TOR1AIP2: variants seen among roughly 807,000 people sequenced by gnomAD.
TOR1AIP2 encodes the protein torsin 1A interacting protein 2.
A neutral mutation model predicts 32.6 loss-of-function variants in TOR1AIP2; 20 were observed. That is an observed-to-expected ratio of 0.61 (90% CI 0.43 to 0.89). The LOEUF (loss-of-function observed/expected upper bound fraction) is 0.89. TOR1AIP2 is among the 40% of genes least tolerant of loss of function. The probability of loss-of-function intolerance (pLI) is 0.00; values close to 1 mark genes in which losing one functional copy is unlikely to be tolerated. For synonymous variants in TOR1AIP2, 214 were observed against 210.8 expected, an observed-to-expected ratio of 1.02 and a Z score of -0.13; for missense variants, 456 against 553.8, an observed-to-expected ratio of 0.82 and a Z score of 1.77.
At chr1:179,864,280 T>TCTA in intron 3 of TOR1AIP2, 1 of 985,138 alleles carries the variant, frequency 1.0e-6, no homozygotes, top group Non-Finnish European at 1.2e-6. Context: ...TATCTATCTA[T>TCTA]TTATATATAT....
rs1217509674 is a variant in TOR1AIP2, at chr1:179,852,700, CT to C, written c.-36del. ...CTATCTCTTCAGAGTTGGGAGGATACTTTTTTTAGTACTTGGTTTTCCTTGT... is the reference window on the plus strand; with the variant it reads ...CTATCTCTTCAGAGTTGGGAGGATACTTTTTTAGTACTTGGTTTTCCTTGT... On this transcript the variant is annotated 5_prime_UTR_variant, in exon 4 of 7. Coordinates refer to ENST00000609928, the MANE Select transcript of TOR1AIP2 (RefSeq NM_001199260.2). The C allele has an allele frequency of 1.2e-6, 2 of 1,613,590 alleles. No individual in the cohort carries two copies. The highest frequency in any genetic ancestry group is 1.1e-5 in the South Asian group (1 of 91,066).
intron 4 of TOR1AIP2, 49 bp downstream of exon 4, chr1:179,852,583 C>T (rs1286656506): frequency 5.0e-6 from 8 of 1,601,476 alleles, no homozygotes; most frequent in South Asian, 1.1e-5. Context: ...CTCTGCACAC[C>T]CCTGGTTTCC....
intron 3 of TOR1AIP2, among the ~76,000 whole-genome samples, chr1:179,856,964 T>C (rs1288948406): frequency 6.6e-6 from 1 of 152,190 alleles, no homozygotes; most frequent in Non-Finnish European, 1.5e-5. Context: ...GGGTATGTGT[T>C]CATTAGGAAC....
intron 3 of TOR1AIP2, chr1:179,861,101 G>A (rs1017425719): frequency 1.0e-6 from 1 of 985,374 alleles, no homozygotes; most frequent in Non-Finnish European, 1.2e-6. Context: ...ATAACAGGGA[G>A]TAGTTATAAT....
At position 179,852,685 on chromosome 1, in the gene TOR1AIP2, A is replaced by G. The variant is rs1696164098; in HGVS notation, c.-20T>C. ...GGCCATGTTTGTGTTCTATCTCTTCAGAGTTGGGAGGATACTTTTTTTAGT... is the reference window on the plus strand; with the variant it reads ...GGCCATGTTTGTGTTCTATCTCTTCGGAGTTGGGAGGATACTTTTTTTAGT... On this transcript the variant is annotated 5_prime_UTR_variant, in exon 4 of 7. Transcript: ENST00000609928. The G allele has an allele frequency of 6.2e-7, 1 of 1,613,930 alleles. No homozygotes were observed. Among genetic ancestry groups the G allele is most frequent in the Non-Finnish European group, 8.5e-7 (1 of 1,179,910 alleles).
At chr1:179,876,331 T>C (rs1157042855) in intron 2 of TOR1AIP2, among the ~76,000 whole-genome samples, 1 of 152,222 alleles carries the variant, frequency 6.6e-6, no homozygotes, top group Non-Finnish European at 1.5e-5. Flanking sequence ...TTAATTTATT[T>C]ATAAATTATT....
At chr1:179,870,260 G>A (rs529964572) in intron 2 of TOR1AIP2, among the ~76,000 whole-genome samples, 8 of 152,244 alleles carry the variant, frequency 5.3e-5, no homozygotes, top group African/African-American at 1.7e-4. Context: ...TTAGCCAGCC[G>A]TGGTGGCGGG....
At position 179,875,582 on chromosome 1, in the gene TOR1AIP2, A is replaced by G. The variant is rs1647249029; in HGVS notation, c.-566+1657T>C. 3.3e-5 allele frequency: 5 copies of G among 152,340 alleles called. No homozygotes were observed. The Middle Eastern group carries it at 0.014, about 415-fold the overall frequency. 9.4% of individuals were successfully genotyped at this position (152,340 alleles called of 1,614,324 possible). ...ATTTACATGATAGATACTCATGGTC[A>G]AGGGCTGAAGGAAAATCTCTAAAAA... is the stretch of plus-strand genomic sequence containing the variant. On this transcript the variant is annotated intron_variant, in intron 2 of 6. Transcript: ENST00000609928.
chr1:179,863,371 T>G (rs138925023), intron 3 of TOR1AIP2: 1 of 985,024 alleles, frequency 1.0e-6, no homozygotes, highest in Admixed American at 6.2e-5. Flanking sequence ...AAGAAGAAAT[T>G]TGCTAGGGAT....
intron 2 of TOR1AIP2, among the ~76,000 whole-genome samples, chr1:179,871,040 GA>G (rs1696993594): frequency 6.6e-6 from 1 of 152,186 alleles, no homozygotes; most frequent in Non-Finnish European, 1.5e-5. Context: ...TGGAACCAGT[GA>G]TTTAGGTGAA....
At chr1:179,856,895 A>G (rs1281413) in intron 3 of TOR1AIP2, among the ~76,000 whole-genome samples, 66,088 of 152,120 alleles carry the variant, frequency 0.43, 15,641 homozygotes, top group African/African-American at 0.63. Flanking sequence ...GATTACAGGC[A>G]TGAGCCACTG....
chr1:179,857,678 A>G (rs1048045028), intron 3 of TOR1AIP2, among the ~76,000 whole-genome samples: 1 of 152,234 alleles, frequency 6.6e-6, no homozygotes, highest in South Asian at 2.1e-4. Flanking sequence ...AACATACAAT[A>G]TTAAGTGCTA....
chr1:179,860,857 C>T (rs2148441867), intron 3 of TOR1AIP2: 1 of 985,444 alleles, frequency 1.0e-6, no homozygotes, highest in Non-Finnish European at 1.2e-6. Context: ...CGGGCTGCGG[C>T]TCATCTCACT....
intron 3 of TOR1AIP2, chr1:179,860,366 C>T (rs951975779): frequency 2.6e-6 from 2 of 783,204 alleles, no homozygotes; most frequent in South Asian, 5.9e-5. Flanking sequence ...CCTGTAGTCA[C>T]AGCTACTTAG....
chr1:179,860,213 C>T (rs1005318186), intron 3 of TOR1AIP2: 84 of 985,078 alleles, frequency 8.5e-5, no homozygotes, highest in Middle Eastern at 1.0e-3. Flanking sequence ...GTGGACACGG[C>T]GGCTCATGCC....
In TOR1AIP2 at chr1:179,843,820, C is replaced by CAAAAAAAA. The variant is rs397754674; in HGVS notation, c.*2243_*2250dup. The CAAAAAAAA allele has an allele frequency of 1.8e-5, 1 of 55,492 alleles. No homozygotes were observed. Among genetic ancestry groups the CAAAAAAAA allele is most frequent in the African/African-American group, 5.6e-5 (1 of 17,854 alleles). 3.4% of individuals were successfully genotyped at this position (55,492 alleles called of 1,614,324 possible). ...TGGGAGTCAGAGTGAGACTCCATCT[C>CAAAAAAAA]AAAAAAAAAAAAAAAAAAAAAAGAC... On this transcript the variant is annotated 3_prime_UTR_variant, in exon 7 of 7. Coordinates refer to ENST00000609928, the MANE Select transcript of TOR1AIP2 (RefSeq NM_001199260.2).
chr1:179,846,870 A>G, intron 6 of TOR1AIP2, 42 bp from the exon 7 acceptor site: 10 of 1,527,112 alleles, frequency 6.5e-6, no homozygotes, highest in Non-Finnish European at 8.8e-6. Flanking sequence ...TACAGAGAAC[A>G]CGAGCCAGAA....
rs1420342752 is a variant in TOR1AIP2, at chr1:179,860,103, C to T, written c.-147+5333G>A. 5.1e-6 allele frequency: 5 copies of T among 977,626 alleles called. No individual in the cohort carries two copies. The East Asian group carries it at 5.7e-4, about 112-fold the overall frequency. The allele number at this position is 977,626 out of a possible 1,614,324, so 60.6% of individuals were successfully genotyped here. A position where few individuals can be genotyped will look rare whatever the true frequency, so the allele number is the denominator to read the frequency against. ...GCTCAAGCCATCCTCCTGCCTCAGC[C>T]TCCCAAAGTGCTGGAATTACAGTGA... is the stretch of plus-strand genomic sequence containing the variant. On this transcript the variant is annotated intron_variant, in intron 3 of 6. Transcript: ENST00000609928.
At chr1:179,849,459 A>G (rs1042302708) in intron 5 of TOR1AIP2, among the ~76,000 whole-genome samples, 3 of 152,126 alleles carry the variant, frequency 2.0e-5, no homozygotes, top group African/African-American at 7.2e-5. Context: ...CCTGGCCTCA[A>G]GTGATCCACC....
Sources: gnomAD v4.1 joint callset for allele counts (sites outside exome capture counted in the v4.1 genomes callset) on GRCh38, gnomAD v4.1.1 for gene constraint, MANE v1.5 for transcripts, NCBI Gene and HGNC (gene_info 2026-07-23, HGNC 2026-07-21) for gene names.